The following THTPA variants were observed in gnomAD, a reference collection of about 807,000 sequenced individuals.
The protein encoded by THTPA is thiamine-triphosphatase.
In THTPA, 16 loss-of-function variants were observed where a neutral mutation model predicts 16.5. The ratio of observed to expected loss-of-function variants is 0.97; its 90% CI spans 0.66 to 1.47. The LOEUF is 1.47. Among genes scored for constraint, THTPA ranks in the 40% most tolerant of loss-of-function variants. The pLI, the probability that THTPA is intolerant of heterozygous loss-of-function variation, is 0.00. For missense variants in THTPA, 281 were observed against 280.9 expected, an observed-to-expected ratio of 1.00 and a Z score of 0.00; for synonymous variants, 110 against 115.5, an observed-to-expected ratio of 0.95 and a Z score of 0.30.
At chr14:23,535,819 C>T in the THTPA span, among the ~76,000 whole-genome samples, 3 of 151,966 alleles carry the variant, frequency 2.0e-5, no homozygotes, top group South Asian at 2.1e-4. This position sits in a 1 kb window ranked among gnomAD's most constrained non-coding sequence, Gnocchi z 4.5. Flanking sequence ...CTCTAACTCC[C>T]GACCTCAAGT....
chr14:23,549,821 C>T, the THTPA span, among the ~76,000 whole-genome samples: 2 of 152,126 alleles, frequency 1.3e-5, no homozygotes, highest in Admixed American at 6.5e-5. Flanking sequence ...AAACCATACC[C>T]CACACCTCTC....
chr14:23,530,001 C>A, the THTPA span: 1 of 1,125,548 alleles, frequency 8.9e-7, no homozygotes, highest in Non-Finnish European at 1.3e-6. Context: ...CCTGATGAGC[C>A]CTTTCTTTAA....
At chr14:23,545,438 T>G in the THTPA span, among the ~76,000 whole-genome samples, 7 of 151,764 alleles carry the variant, frequency 4.6e-5, no homozygotes, top group Non-Finnish European at 1.0e-4. Context: ...ACTCCTTCCT[T>G]TCTCATTTAA....
At chr14:23,533,183 G>C in the THTPA span, 1 of 1,436,596 alleles carries the variant, frequency 7.0e-7, no homozygotes, top group Non-Finnish European at 9.1e-7. The surrounding 1 kb of genome is among the most constrained non-coding windows in gnomAD (Gnocchi z 4.8). Context: ...GTGCTCAGAG[G>C]GACTTATGGT....
the THTPA span, among the ~76,000 whole-genome samples, chr14:23,528,083 T>A: frequency 6.6e-6 from 1 of 152,014 alleles, no homozygotes; most frequent in Non-Finnish European, 1.5e-5. Flanking sequence ...AATTTTTGTA[T>A]TTTTTAGTGG....
chr14:23,558,977 T>G lies in THTPA; in HGVS notation c.*137T>G. Reference sequence around the variant, plus strand: ...AGCGCTGCCTGTTTCTTCCCCCTCCTCTAAGCTACTCTTCCTTGAGCCCTC... The same window carrying G: ...AGCGCTGCCTGTTTCTTCCCCCTCCGCTAAGCTACTCTTCCTTGAGCCCTC... On this transcript the variant is annotated 3_prime_UTR_variant, in exon 2 of 2. Coordinates refer to ENST00000288014, the MANE Select transcript of THTPA (RefSeq NM_024328.6). The G allele has an allele frequency of 2.9e-6, 3 of 1,043,498 alleles. No homozygotes were observed. The highest frequency in any genetic ancestry group is 4.1e-6 in the Non-Finnish European group (3 of 731,410). 64.6% of individuals were successfully genotyped at this position (1,043,498 alleles called of 1,614,324 possible). A position where few individuals can be genotyped will look rare whatever the true frequency, so the allele number is the denominator to read the frequency against.
the THTPA span, among the ~76,000 whole-genome samples, chr14:23,519,718 C>T: frequency 2.0e-5 from 3 of 152,184 alleles, no homozygotes; most frequent in African/African-American, 7.2e-5. Context: ...ATGGGGGCTA[C>T]TGACTGAGCT....
chr14:23,524,448 G>A, the THTPA span: 31 of 1,535,662 alleles, frequency 2.0e-5, no homozygotes, highest in Non-Finnish European at 2.6e-5. This position sits in a 1 kb window ranked among gnomAD's most constrained non-coding sequence, Gnocchi z 5.6. Context: ...TCATGCTTCC[G>A]TTTGAGAGGT....
chr14:23,550,017 A>G, the THTPA span, among the ~76,000 whole-genome samples: 30 of 152,362 alleles, frequency 2.0e-4, no homozygotes, highest in Middle Eastern at 3.4e-3. Flanking sequence ...GTGAAGCAAA[A>G]TGGGGAAATA....
chr14:23,560,107 G>A lies in THTPA; in HGVS notation c.*1267G>A. ...CTCAGGCAGCCCCTCTATACTCAGT[G>A]GCTCCACACCCTTTTCCTGTAACTC... On this transcript the variant is annotated 3_prime_UTR_variant, in exon 2 of 2. Coordinates refer to ENST00000288014, the MANE Select transcript of THTPA (RefSeq NM_024328.6). 1.4e-6 allele frequency: 2 copies of A among 1,409,734 alleles called. No individual in the cohort carries two copies. Among genetic ancestry groups the A allele is most frequent in the Non-Finnish European group, 2.0e-6 (2 of 1,015,018 alleles). 87.3% of individuals were successfully genotyped at this position (1,409,734 alleles called of 1,614,324 possible).
chr14:23,551,812 G>T (rs964274571), upstream of THTPA, among the ~76,000 whole-genome samples: 3 of 152,110 alleles, frequency 2.0e-5, no homozygotes, highest in African/African-American at 7.2e-5. The surrounding 1 kb of genome is among the most constrained non-coding windows in gnomAD (Gnocchi z 5.3). Flanking sequence ...CAGGTGCAGC[G>T]ACCCGCCCGC....
upstream of THTPA, among the ~76,000 whole-genome samples, chr14:23,552,399 TCTCCTACCTCAGC>T (rs976807025): frequency 6.6e-6 from 1 of 151,630 alleles, no homozygotes; most frequent in Non-Finnish European, 1.5e-5. Context: ...TTCAAGCGAT[TCTCCTACCTCAGC>T]CTCCTAAGTA....
the THTPA span, chr14:23,529,658 TCAGTAAAGC>T: frequency 6.8e-7 from 1 of 1,470,048 alleles, no homozygotes; most frequent in Non-Finnish European, 9.2e-7. Context: ...TGAGCAGATC[TCAGTAAAGC>T]CAGGCCCCCA....
chr14:23,539,136 G>GT, the THTPA span, among the ~76,000 whole-genome samples: 1 of 152,304 alleles, frequency 6.6e-6, no homozygotes, highest in South Asian at 2.1e-4. Flanking sequence ...CTAATGCACT[G>GT]TTTCGTCACA....
At chr14:23,537,241 T>TC in the THTPA span, among the ~76,000 whole-genome samples, 27 of 151,918 alleles carry the variant, frequency 1.8e-4, no homozygotes, top group African/African-American at 5.3e-4. Flanking sequence ...TTTTTTTTTT[T>TC]CTAAATCAGG....
At chr14:23,537,259 C>A in the THTPA span, among the ~76,000 whole-genome samples, 2 of 151,968 alleles carry the variant, frequency 1.3e-5, no homozygotes, top group Non-Finnish European at 2.9e-5. Flanking sequence ...AGGAACCTCC[C>A]CCTCAAACTC....
At chr14:23,528,808 G>A in the THTPA span, 2 of 985,266 alleles carry the variant, frequency 2.0e-6, no homozygotes, top group Admixed American at 6.1e-5. Flanking sequence ...CCAGAGGGGT[G>A]AGGCTGCCAG....
the THTPA span, chr14:23,525,718 C>G: frequency 6.6e-7 from 1 of 1,518,422 alleles, no homozygotes; most frequent in Non-Finnish European, 8.8e-7. This position sits in a 1 kb window ranked among gnomAD's most constrained non-coding sequence, Gnocchi z 5.9. Context: ...GCTCCCACTC[C>G]CGCTCAGCCA....
the THTPA span, chr14:23,522,303 A>G: frequency 6.6e-7 from 1 of 1,514,658 alleles, no homozygotes; most frequent in Non-Finnish European, 8.8e-7. Flanking sequence ...TCCCCGTCAA[A>G]TGCCATCTTG....
Sources: gnomAD v4.1 joint callset for allele counts (sites outside exome capture counted in the v4.1 genomes callset) on GRCh38, gnomAD v4.1.1 for gene constraint, Gnocchi (gnomAD v3.1) non-coding constraint, MANE v1.5 for transcripts, NCBI Gene and HGNC (gene_info 2026-07-23, HGNC 2026-07-21) for gene names.